The following PRR16 variants were observed in gnomAD, a reference collection of about 807,000 sequenced individuals.
PRR16 encodes the protein proline rich 16.
In PRR16, 6 loss-of-function variants were observed where a neutral mutation model predicts 18.2. The ratio of observed to expected loss-of-function variants is 0.33; its 90% CI spans 0.18 to 0.65. The LOEUF (loss-of-function observed/expected upper bound fraction) is 0.65. Among genes scored for constraint, PRR16 ranks in the 30% least tolerant of loss-of-function variants. The pLI is 0.74. For missense variants in PRR16, 412 were observed against 376.6 expected, an observed-to-expected ratio of 1.09 and a Z score of -0.78; for synonymous variants, 151 against 147.8, an observed-to-expected ratio of 1.02 and a Z score of -0.16.
chr5:120,507,680 A>C (rs1750690289), intron 1 of PRR16, among the ~76,000 whole-genome samples: 3 of 151,940 alleles, frequency 2.0e-5, no homozygotes, highest in Admixed American at 2.0e-4. Context: ...TTTTTAATTA[A>C]AAGTTGCTTT....
intron 1 of PRR16, among the ~76,000 whole-genome samples, chr5:120,596,412 C>G (rs1169287115): frequency 2.0e-5 from 3 of 151,720 alleles, no homozygotes; most frequent in Non-Finnish European, 4.4e-5. Context: ...CAAACTCTTC[C>G]TAGAGTTTCC....
intron 1 of PRR16, among the ~76,000 whole-genome samples, chr5:120,492,127 A>G (rs189272727): frequency 2.4e-3 from 167 of 70,564 alleles, no homozygotes; most frequent in Non-Finnish European, 3.7e-3. Flanking sequence ...TTGTTCTGTC[A>G]CCTAGGCTGG....
the PRR16 span, among the ~76,000 whole-genome samples, chr5:120,762,933 G>C: frequency 6.6e-6 from 1 of 151,980 alleles, no homozygotes; most frequent in South Asian, 2.1e-4. Flanking sequence ...CATTCACTTT[G>C]AGTTGATTTT....
At chr5:120,720,841 G>C in the PRR16 span, among the ~76,000 whole-genome samples, 133 of 152,106 alleles carry the variant, frequency 8.7e-4, 1 homozygote, top group Middle Eastern at 3.4e-3. Context: ...TAAATGAACT[G>C]TAAGTGTCCT....
At chr5:120,521,503 AC>A (rs1751179641) in intron 1 of PRR16, among the ~76,000 whole-genome samples, 1 of 151,850 alleles carries the variant, frequency 6.6e-6, no homozygotes. Flanking sequence ...TTTTTTCTTA[AC>A]TTTTTATTTA....
the PRR16 span, among the ~76,000 whole-genome samples, chr5:120,735,687 GAGTTAT>G: frequency 1.7e-5 from 2 of 116,382 alleles, no homozygotes; most frequent in South Asian, 5.8e-4. Context: ...TGTTATTGTT[GAGTTAT>G]AGTTCTTGAT....
chr5:120,726,936 T>C, the PRR16 span, among the ~76,000 whole-genome samples: 1 of 152,042 alleles, frequency 6.6e-6, no homozygotes, highest in African/African-American at 2.4e-5. Context: ...GTTTTTCTGG[T>C]TTTCTACATT....
chr5:120,650,330 CT>C (rs910123646), intron 1 of PRR16, among the ~76,000 whole-genome samples: 212 of 145,562 alleles, frequency 1.5e-3, no homozygotes, highest in African/African-American at 4.4e-3. Context: ...TTTCTTTTTT[CT>C]TTTTTTTTTA....
chr5:120,551,540 T>C (rs941492214), intron 1 of PRR16, among the ~76,000 whole-genome samples: 1 of 152,076 alleles, frequency 6.6e-6, no homozygotes, highest in African/African-American at 2.4e-5. Context: ...GTATGATGAA[T>C]GCATGGTAGT....
At chr5:120,574,303 A>G (rs1045052731) in intron 1 of PRR16, among the ~76,000 whole-genome samples, 3 of 152,120 alleles carry the variant, frequency 2.0e-5, no homozygotes, top group Non-Finnish European at 2.9e-5. Flanking sequence ...ATGAATAGCC[A>G]CTTTATAAAG....
chr5:120,597,005 G>C (rs914401696), intron 1 of PRR16, among the ~76,000 whole-genome samples: 1 of 151,514 alleles, frequency 6.6e-6, no homozygotes, highest in Non-Finnish European at 1.5e-5. Flanking sequence ...CACCTGTTGA[G>C]TCACAATCAT....
chr5:120,624,692 T>C (rs1469268716), intron 1 of PRR16, among the ~76,000 whole-genome samples: 2 of 152,174 alleles, frequency 1.3e-5, no homozygotes, highest in East Asian at 3.9e-4. Context: ...TATTAAGAAC[T>C]GCTCCTGATC....
chr5:120,559,271 A>G (rs148287354), intron 1 of PRR16, among the ~76,000 whole-genome samples: 73 of 152,042 alleles, frequency 4.8e-4, no homozygotes, highest in African/African-American at 1.6e-3. Flanking sequence ...GAGTAGTTTT[A>G]TAGTTTGAAG....
chr5:120,526,841 G>A (rs1325673079), intron 1 of PRR16, among the ~76,000 whole-genome samples: 6 of 151,992 alleles, frequency 3.9e-5, no homozygotes, highest in Non-Finnish European at 7.4e-5. Context: ...TGCCTGGCTC[G>A]GCCTCCCAAA....
chr5:120,571,436 T>A (rs1186530312), intron 1 of PRR16, among the ~76,000 whole-genome samples: 1 of 152,104 alleles, frequency 6.6e-6, no homozygotes, highest in East Asian at 1.9e-4. Context: ...TGGTAAGATA[T>A]AAGGTCAGAA....
At chr5:120,542,935 A>C (rs1019108552) in intron 1 of PRR16, among the ~76,000 whole-genome samples, 3 of 152,172 alleles carry the variant, frequency 2.0e-5, no homozygotes, top group Non-Finnish European at 4.4e-5. Context: ...GTGTGGTTTT[A>C]TTGCTGTGTT....
At chr5:120,793,189 C>G in the PRR16 span, among the ~76,000 whole-genome samples, 1 of 151,986 alleles carries the variant, frequency 6.6e-6, no homozygotes, top group Admixed American at 6.6e-5. Context: ...ATAAAAGACA[C>G]AGTGACAATA....
At chr5:120,540,121 G>A (rs972937234) in intron 1 of PRR16, among the ~76,000 whole-genome samples, 10 of 152,124 alleles carry the variant, frequency 6.6e-5, no homozygotes, top group African/African-American at 2.4e-4. Flanking sequence ...AGAAAAGACA[G>A]CAGTAACAGT....
chr5:120,610,180 C>G (rs972650501), intron 1 of PRR16, among the ~76,000 whole-genome samples: 4 of 152,072 alleles, frequency 2.6e-5, no homozygotes, highest in African/African-American at 9.7e-5. Flanking sequence ...TTCTCTTGCT[C>G]TACAGAAATA....
Sources: allele counts gnomAD v4.1 joint callset (sites outside exome capture counted in the v4.1 genomes callset), GRCh38; gene constraint gnomAD v4.1.1; transcripts MANE v1.5; gene names NCBI Gene and HGNC (gene_info 2026-07-23, HGNC 2026-07-21).